NPTN: variants seen among roughly 807,000 people sequenced by gnomAD.
NPTN encodes the protein neuroplastin, also known as SDR-1.
A neutral mutation model predicts 42.7 loss-of-function variants in NPTN; 5 were observed. The ratio of observed to expected loss-of-function variants is 0.12; its 90% CI spans 0.06 to 0.25. The LOEUF is 0.25. NPTN is among the 10% of genes least tolerant of loss of function. NPTN has a pLI of 1.00. For synonymous variants in NPTN, 180 were observed against 201.9 expected (o/e 0.89, Z 0.92); for missense variants, 307 against 525.4 (o/e 0.58, Z 4.06).
At chr15:73,621,078 G>T (rs1404097216) in intron 1 of NPTN, among the ~76,000 whole-genome samples, 1 of 151,974 alleles carries the variant, frequency 6.6e-6, no homozygotes, top group African/African-American at 2.4e-5. Context: ...ACAAAAATTT[G>T]CTATAAAAAG....
intron 2 of NPTN, among the ~76,000 whole-genome samples, chr15:73,594,540 A>G (rs1043684643): frequency 1.3e-5 from 2 of 152,186 alleles, no homozygotes; most frequent in Non-Finnish European, 2.9e-5. Context: ...ATTGCTGTAT[A>G]TGAAAAACAG....
At chr15:73,574,860 AAAC>A (rs759496746) in intron 4 of NPTN, among the ~76,000 whole-genome samples, 23 of 152,242 alleles carry the variant, frequency 1.5e-4, no homozygotes, top group African/African-American at 4.1e-4. Context: ...AGGAAGAAAT[AAAC>A]AACAACTGTA....
chr15:73,629,655 T>C (rs13380155), intron 1 of NPTN, among the ~76,000 whole-genome samples: 1 of 151,918 alleles, frequency 6.6e-6, no homozygotes, highest in African/African-American at 2.4e-5. Flanking sequence ...AGTGTTAATT[T>C]TGTGATGTCA....
intron 1 of NPTN, among the ~76,000 whole-genome samples, chr15:73,623,855 T>A (rs914643945): frequency 6.6e-6 from 1 of 152,158 alleles, no homozygotes; most frequent in African/African-American, 2.4e-5. Flanking sequence ...TTGTCCTACT[T>A]ATAATGGTTC....
intron 1 of NPTN, among the ~76,000 whole-genome samples, chr15:73,608,290 T>A (rs955938688): frequency 1.3e-5 from 2 of 152,292 alleles, no homozygotes; most frequent in Non-Finnish European, 2.9e-5. Context: ...ACAATACCAC[T>A]GACAACAGCA....
At chr15:73,589,553 T>TA (rs1387565549) in intron 3 of NPTN, among the ~76,000 whole-genome samples, 1 of 152,022 alleles carries the variant, frequency 6.6e-6, no homozygotes, top group African/African-American at 2.4e-5. Flanking sequence ...AGAGGATAAA[T>TA]AGTTATATAG....
intron 1 of NPTN, among the ~76,000 whole-genome samples, chr15:73,601,887 GGC>G: frequency 6.6e-6 from 1 of 152,158 alleles, no homozygotes; most frequent in Non-Finnish European, 1.5e-5. Flanking sequence ...TAAAAATGGA[GGC>G]AGCAAACCCA....
At chr15:73,615,345 G>T (rs950932038) in intron 1 of NPTN, among the ~76,000 whole-genome samples, 1 of 150,676 alleles carries the variant, frequency 6.6e-6, no homozygotes, top group Admixed American at 6.6e-5. Context: ...TTGATCATTT[G>T]TGTTAGACAT....
At chr15:73,576,554 A>G (rs1566963206) in intron 4 of NPTN, among the ~76,000 whole-genome samples, 1 of 152,008 alleles carries the variant, frequency 6.6e-6, no homozygotes. Flanking sequence ...GTCTCAAACT[A>G]CTGACCTGAA....
chr15:73,575,926 T>C (rs1393113064), intron 4 of NPTN, among the ~76,000 whole-genome samples: 1 of 152,204 alleles, frequency 6.6e-6, no homozygotes, highest in South Asian at 2.1e-4. Context: ...AAAGGAAATA[T>C]CTTTTTTTTT....
At chr15:73,591,398 A>G (rs1896581514) in intron 3 of NPTN, among the ~76,000 whole-genome samples, 1 of 152,196 alleles carries the variant, frequency 6.6e-6, no homozygotes, top group Admixed American at 6.5e-5. Context: ...GGTGCTGGGT[A>G]ACTCTAGCCA....
chr15:73,627,172 G>A (rs544351250), intron 1 of NPTN, among the ~76,000 whole-genome samples: 3 of 152,254 alleles, frequency 2.0e-5, no homozygotes, highest in African/African-American at 2.4e-5. Context: ...GAAGGTGGAG[G>A]TTGCAGTGAG....
chr15:73,614,391 C>T (rs1897755753), intron 1 of NPTN, among the ~76,000 whole-genome samples: 1 of 151,990 alleles, frequency 6.6e-6, no homozygotes, highest in South Asian at 2.1e-4. Flanking sequence ...AACCTGAAAC[C>T]TCAGTTCCCT....
At chr15:73,614,977 G>C (rs1897792997) in intron 1 of NPTN, among the ~76,000 whole-genome samples, 1 of 152,034 alleles carries the variant, frequency 6.6e-6, no homozygotes, top group Admixed American at 6.6e-5. Flanking sequence ...TAACAAGCAA[G>C]GGAATAAATT....
At chr15:73,576,826 C>T (rs1297789694) in intron 4 of NPTN, among the ~76,000 whole-genome samples, 1 of 152,198 alleles carries the variant, frequency 6.6e-6, no homozygotes, top group Non-Finnish European at 1.5e-5. Context: ...AAAATAACTA[C>T]TCTTGCTGCA....
chr15:73,614,987 T>C (rs968084766), intron 1 of NPTN, among the ~76,000 whole-genome samples: 1 of 152,094 alleles, frequency 6.6e-6, no homozygotes, highest in Non-Finnish European at 1.5e-5. Flanking sequence ...GGGAATAAAT[T>C]TGAGTTTAAA....
intron 4 of NPTN, among the ~76,000 whole-genome samples, chr15:73,586,151 T>C (rs1024693875): frequency 4.6e-5 from 7 of 152,210 alleles, no homozygotes; most frequent in African/African-American, 1.7e-4. Context: ...TCACCCACCC[T>C]GCCTCTCTGC....
chr15:73,585,291 A>G (rs946407522), intron 4 of NPTN, among the ~76,000 whole-genome samples: 2 of 152,154 alleles, frequency 1.3e-5, no homozygotes, highest in African/African-American at 2.4e-5. Flanking sequence ...TTAACTCTCT[A>G]TTACTCAGCA....
chr15:73,620,582 A>G (rs1248312747), intron 1 of NPTN, among the ~76,000 whole-genome samples: 1 of 152,212 alleles, frequency 6.6e-6, no homozygotes, highest in East Asian at 1.9e-4. Context: ...ACCACTTTCA[A>G]ATGACATTCA....
Sources: allele counts gnomAD v4.1 joint callset (sites outside exome capture counted in the v4.1 genomes callset), GRCh38; gene constraint gnomAD v4.1.1; transcripts MANE v1.5; gene names NCBI Gene and HGNC (gene_info 2026-07-23, HGNC 2026-07-21).